PTPRD: variants seen among roughly 807,000 people sequenced by gnomAD.
PTPRD encodes receptor-type tyrosine-protein phosphatase delta.
A neutral mutation model predicts 214.5 loss-of-function variants in PTPRD; 34 were observed. The observed-to-expected ratio is 0.16, with a 90% CI of 0.12 to 0.21. The LOEUF is 0.21. Ranked by LOEUF, PTPRD falls within the 10% of genes least tolerant of loss-of-function variation. The probability of loss-of-function intolerance (pLI) is 1.00; values close to 1 mark genes in which losing one functional copy is unlikely to be tolerated. For missense variants in PTPRD, 2,545 were observed against 2,398.7 expected (o/e 1.06, Z -1.27); for synonymous variants, 1,128 against 845.7 (o/e 1.33, Z -5.79).
intron 11 of PTPRD, among the ~76,000 whole-genome samples, chr9:8,776,712 T>A (rs2095491280): frequency 6.6e-6 from 1 of 151,612 alleles, no homozygotes; most frequent in Admixed American, 6.6e-5. Flanking sequence ...AGGCAGGGAT[T>A]CCATTCAGAA....
intron 8 of PTPRD, among the ~76,000 whole-genome samples, chr9:9,443,958 T>A (rs575615382): frequency 6.6e-6 from 1 of 152,216 alleles, no homozygotes; most frequent in Non-Finnish European, 1.5e-5. Flanking sequence ...TTTTGTCTAC[T>A]ATACATAATG....
intron 5 of PTPRD, among the ~76,000 whole-genome samples, chr9:9,910,622 C>A (rs1160889893): frequency 6.6e-6 from 1 of 151,834 alleles, no homozygotes; most frequent in African/African-American, 2.4e-5. Context: ...TATTTAATTG[C>A]TTGTGGAATT....
intron 3 of PTPRD, among the ~76,000 whole-genome samples, chr9:10,236,692 C>T (rs1476334852): frequency 2.0e-5 from 3 of 151,812 alleles, no homozygotes; most frequent in Non-Finnish European, 4.4e-5. Context: ...AAATCTATTA[C>T]CACACTCTAA....
chr9:8,649,594 T>A (rs1042584198), intron 12 of PTPRD, among the ~76,000 whole-genome samples: 3 of 152,182 alleles, frequency 2.0e-5, no homozygotes, highest in South Asian at 4.1e-4. Context: ...ACTGGAGAAA[T>A]GTAGAAGTGT....
Position 8,376,030 on chromosome 9 carries a change from C to G in PTPRD, c.4567G>C (p.Gly1523Arg), listed in dbSNP as rs1470155427. The change falls in exon 39 of 46, where the codon GGT becomes CGT. Residue 1523 changes from glycine to arginine, a missense_variant. By Grantham distance (125) the Gly-to-Arg change is moderately radical. Transcript: ENST00000381196. ...QFQFTAWPDHGVPEHPTPFLA... is the reference protein window; with the variant it reads ...QFQFTAWPDHRVPEHPTPFLA... ...AAAGGTGTAGGGTGTTCTGGAACACCATGATCAGGCCAGGCGGTGAACTGG... is the reference window on the plus strand; with the variant it reads ...AAAGGTGTAGGGTGTTCTGGAACACGATGATCAGGCCAGGCGGTGAACTGG... 1.2e-6 allele frequency: 2 copies of G among 1,612,926 alleles called. No homozygotes were observed. Among genetic ancestry groups the G allele is most frequent in the Non-Finnish European group, 1.7e-6 (2 of 1,179,292 alleles).
At chr9:9,429,155 G>T (rs2082119744) in intron 8 of PTPRD, among the ~76,000 whole-genome samples, 1 of 151,954 alleles carries the variant, frequency 6.6e-6, no homozygotes, top group African/African-American at 2.4e-5. Flanking sequence ...TAGGCAGCTA[G>T]CAGACTAATA....
chr9:10,553,554 G>A (rs948953422), intron 2 of PTPRD, among the ~76,000 whole-genome samples: 1 of 137,396 alleles, frequency 7.3e-6, no homozygotes, highest in Non-Finnish European at 1.7e-5. Context: ...ACATTCACCT[G>A]TGTACTTTCT....
At chr9:8,464,079 CTCTT>C (rs2096489018) in intron 32 of PTPRD, among the ~76,000 whole-genome samples, 1 of 151,878 alleles carries the variant, frequency 6.6e-6, no homozygotes, top group African/African-American at 2.4e-5. Context: ...AAGGGGCAGA[CTCTT>C]TATCAGTTGT....
intron 11 of PTPRD, among the ~76,000 whole-genome samples, chr9:8,870,716 A>ACACAC (rs2098282560): frequency 6.6e-6 from 1 of 151,578 alleles, no homozygotes; most frequent in South Asian, 2.1e-4. Flanking sequence ...ACACACACAC[A>ACACAC]CACACACACA....
At chr9:9,396,538 T>C (rs991854338) in intron 9 of PTPRD, among the ~76,000 whole-genome samples, 2 of 152,044 alleles carry the variant, frequency 1.3e-5, no homozygotes, top group Non-Finnish European at 2.9e-5. Flanking sequence ...ACAGTTGATC[T>C]ATTATTTCTT....
At chr9:10,256,666 G>A (rs1367162338) in intron 3 of PTPRD, among the ~76,000 whole-genome samples, 1 of 152,074 alleles carries the variant, frequency 6.6e-6, no homozygotes, top group African/African-American at 2.4e-5. Flanking sequence ...AACTGACCAA[G>A]TCTCCGTCCC....
intron 3 of PTPRD, among the ~76,000 whole-genome samples, chr9:10,178,783 C>T (rs1437125431): frequency 2.0e-5 from 3 of 151,906 alleles, no homozygotes; most frequent in Non-Finnish European, 2.9e-5. Flanking sequence ...TGGTCTTACT[C>T]ACTAGATGTG....
At chr9:8,586,603 C>T (rs1041481261) in intron 14 of PTPRD, among the ~76,000 whole-genome samples, 1 of 152,140 alleles carries the variant, frequency 6.6e-6, no homozygotes, top group African/African-American at 2.4e-5. Context: ...CACAGTATGA[C>T]TTTTCATATG....
intron 10 of PTPRD, among the ~76,000 whole-genome samples, chr9:9,121,255 AAC>A (rs1283243278): frequency 6.6e-6 from 1 of 152,200 alleles, no homozygotes; most frequent in Non-Finnish European, 1.5e-5. Context: ...TGCTGTGGAA[AAC>A]AGTGTGGAGA....
At position 10,590,551 on chromosome 9, in the gene PTPRD, T is replaced by A. The variant is rs193087585; in HGVS notation, c.-600+21847A>T. 3.1e-4 allele frequency among the ~76,000 whole-genome samples: 47 copies of A among 152,194 alleles called. 1 individual carries two copies. The East Asian group carries it at 6.8e-3, about 22-fold the overall frequency. The stretch of plus-strand genomic sequence containing the variant: ...TAATATTCTGTTTTAGAACTTCATA[T>A]TAATAAAAGCATACTGTATATAATA... On this transcript the variant is annotated intron_variant, in intron 2 of 45. Transcript: ENST00000381196.
At chr9:10,009,777 A>G (rs530288464) in intron 4 of PTPRD, among the ~76,000 whole-genome samples, 1 of 151,952 alleles carries the variant, frequency 6.6e-6, no homozygotes, top group African/African-American at 2.4e-5. Context: ...ATATTTTGGG[A>G]TAAAACATTT....
chr9:8,657,656 AT>A (rs2096939669), intron 12 of PTPRD, among the ~76,000 whole-genome samples: 1 of 152,076 alleles, frequency 6.6e-6, no homozygotes, highest in Non-Finnish European at 1.5e-5. Flanking sequence ...CCATTCATCA[AT>A]TTTTGCTTTT....
At chr9:9,242,177 C>G (rs1470698891) in intron 9 of PTPRD, among the ~76,000 whole-genome samples, 1 of 152,198 alleles carries the variant, frequency 6.6e-6, no homozygotes, top group Non-Finnish European at 1.5e-5. Flanking sequence ...TTGGTACCCA[C>G]TCTCTTCTGG....
chr9:8,969,052 C>A (rs1292149243), intron 11 of PTPRD, among the ~76,000 whole-genome samples: 1 of 151,972 alleles, frequency 6.6e-6, no homozygotes, highest in African/African-American at 2.4e-5. Flanking sequence ...AATAAGCAAA[C>A]ATAATGGACA....
Sources: gnomAD v4.1 joint callset for allele counts (sites outside exome capture counted in the v4.1 genomes callset) on GRCh38, gnomAD v4.1.1 for gene constraint, MANE v1.5 for transcripts, NCBI Gene and HGNC (gene_info 2026-07-23, HGNC 2026-07-21) for gene names.